The following UBE2D3 variants were observed in gnomAD, a reference collection of about 807,000 sequenced individuals.
UBE2D3 encodes the protein ubiquitin-conjugating enzyme E2 D3.
A neutral mutation model predicts 22.8 loss-of-function variants in UBE2D3; 2 were observed. The observed-to-expected ratio is 0.09, with a 90% CI of 0.04 to 0.28. The LOEUF (loss-of-function observed/expected upper bound fraction) is 0.28, where lower values mean the gene tolerates loss of function less well. Ranked by LOEUF, UBE2D3 falls within the 10% of genes least tolerant of loss-of-function variation. The pLI, the probability that UBE2D3 is intolerant of heterozygous loss-of-function variation, is 1.00. For synonymous variants in UBE2D3, 56 were observed against 60.4 expected (o/e 0.93, Z 0.34); for missense variants, 27 against 182.5 (o/e 0.15, Z 4.91).
chr4:102,824,621 A>G (rs2110329970), intron 2 of UBE2D3, among the ~76,000 whole-genome samples: 1 of 152,350 alleles, frequency 6.6e-6, no homozygotes, highest in Non-Finnish European at 1.5e-5. Context: ...TTGTCTCTCT[A>G]AAGCTTTTAA....
upstream of UBE2D3, among the ~76,000 whole-genome samples, chr4:102,828,610 A>G (rs146783872): frequency 2.1e-3 from 314 of 151,994 alleles, no homozygotes; most frequent in African/African-American, 6.9e-3. Flanking sequence ...AGATGTGGGA[A>G]CAAGCTTAAA....
chr4:102,810,857 A>T (rs977743112), intron 2 of UBE2D3: 2 of 144,068 alleles, frequency 1.4e-5, no homozygotes, highest in Non-Finnish European at 3.0e-5. Flanking sequence ...ATCACAAGTT[A>T]AAAAAAAAAG....
At chr4:102,822,331 G>A (rs989458712) in intron 2 of UBE2D3, among the ~76,000 whole-genome samples, 34 of 152,072 alleles carry the variant, frequency 2.2e-4, no homozygotes, top group African/African-American at 8.2e-4. Flanking sequence ...AAGCTTTGAG[G>A]ACCATATATG....
intron 1 of UBE2D3, among the ~76,000 whole-genome samples, chr4:102,845,905 CT>C (rs2110361863): frequency 6.6e-6 from 1 of 152,256 alleles, no homozygotes; most frequent in Non-Finnish European, 1.5e-5. Context: ...ATTCTCTTGC[CT>C]CAGTCTCCTG....
chr4:102,813,618 T>A (rs1381029777), intron 2 of UBE2D3, among the ~76,000 whole-genome samples: 1 of 152,130 alleles, frequency 6.6e-6, no homozygotes, highest in East Asian at 1.9e-4. Context: ...ATACAAAGTA[T>A]CATTAATAAA....
intron 7 of UBE2D3, among the ~76,000 whole-genome samples, chr4:102,798,279 A>AATAT (rs10526258): frequency 0.018 from 1,959 of 111,874 alleles, 225 homozygotes; most frequent in African/African-American, 0.063. Flanking sequence ...TTAAGAAATG[A>AATAT]ATATATATAT....
At chr4:102,860,387 G>A (rs1732831187) in intron 1 of UBE2D3, among the ~76,000 whole-genome samples, 1 of 147,816 alleles carries the variant, frequency 6.8e-6, no homozygotes, top group Non-Finnish European at 1.5e-5. Context: ...TTATTCCTTT[G>A]GTTGTCATGT....
Position 102,797,478 on chromosome 4 carries a change from A to C in UBE2D3, c.399-18T>G. ...TGTTGTACCTGTAAATAAAGATGTT[A>C]TTTTTAAAAGTTAAAATAAAGAATT... On this transcript the variant is annotated intron_variant, in intron 7 of 7. Transcript: ENST00000453744. 6.3e-7 allele frequency: 1 copy of C among 1,590,230 alleles called. No individual in the cohort carries two copies. Among genetic ancestry groups the C allele is most frequent in the East Asian group, 2.2e-5 (1 of 44,636 alleles).
chr4:102,866,657 G>T (rs1363902818), intron 1 of UBE2D3, among the ~76,000 whole-genome samples: 3 of 152,168 alleles, frequency 2.0e-5, no homozygotes, highest in African/African-American at 7.2e-5. Flanking sequence ...ACAGTCCAGA[G>T]AATGTAAAGT....
At chr4:102,848,694 C>T (rs1056082864) in intron 1 of UBE2D3, among the ~76,000 whole-genome samples, 2 of 151,950 alleles carry the variant, frequency 1.3e-5, no homozygotes, top group East Asian at 1.9e-4. Context: ...TAGTGCACGC[C>T]TATAGTCCCA....
Position 102,809,723 on chromosome 4 carries a change from T to C in UBE2D3, c.89-20A>G, listed in dbSNP as rs976638998. On this transcript the variant is annotated intron_variant, in intron 3 of 7. Transcript: ENST00000453744. Reference sequence around the variant, plus strand: ...GAAACACTAGAAAAAGAAAAAAAACTCTGGTTATCTAAAAATGCACAAGCT... The same window carrying C: ...GAAACACTAGAAAAAGAAAAAAAACCCTGGTTATCTAAAAATGCACAAGCT... 1.2e-6 allele frequency: 2 copies of C among 1,612,342 alleles called. No individual in the cohort carries two copies. Among genetic ancestry groups the C allele is most frequent in the Non-Finnish European group, 1.7e-6 (2 of 1,179,648 alleles).
At chr4:102,868,854 G>T (rs1273298796) in exon 1 of UBE2D3, 5 of 1,534,618 alleles carry the variant, frequency 3.3e-6, no homozygotes, top group Non-Finnish European at 4.5e-6. Flanking sequence ...TCCGAGGAGG[G>T]CCTCGCTACC....
chr4:102,862,042 T>C (rs955022090), intron 1 of UBE2D3, among the ~76,000 whole-genome samples: 2 of 151,986 alleles, frequency 1.3e-5, no homozygotes, highest in African/African-American at 2.4e-5. Flanking sequence ...CTTGGCTATA[T>C]AGATAATTCT....
chr4:102,819,616 T>TC (rs1729273919), intron 2 of UBE2D3: 2 of 985,104 alleles, frequency 2.0e-6, no homozygotes, highest in South Asian at 4.7e-5. Flanking sequence ...CTAGGTTTCA[T>TC]CCCCCCAAGG....
upstream of UBE2D3, among the ~76,000 whole-genome samples, chr4:102,829,902 AGAGT>A (rs973166325): frequency 2.6e-5 from 4 of 152,188 alleles, no homozygotes; most frequent in East Asian, 1.9e-4. Flanking sequence ...TCACTGCGAC[AGAGT>A]GAGACCCTGT....
At chr4:102,827,329 G>A in intron 1 of UBE2D3, 98 bp downstream of exon 1, 1 of 975,088 alleles carries the variant, frequency 1.0e-6, no homozygotes, top group Non-Finnish European at 1.2e-6. Flanking sequence ...CAATAGGCTG[G>A]CCGCTCAAGC....
At chr4:102,811,130 T>G (rs78478854) in intron 2 of UBE2D3, 16,430 of 152,212 alleles carry the variant, frequency 0.11, 932 homozygotes, top group East Asian at 0.13. Context: ...CAGGGATCGC[T>G]TGAGCCCAGG....
Position 102,801,494 on chromosome 4 carries a change from A to G in UBE2D3, c.264T>C (p.Ile88=). ...AAGCAGGCGACCACTGTGATCTTAG[A>G]ATATCGAGACAAATGCTGCCATTAC... ...INSNGSICLD[I]LRSQWSPALT... The change falls in exon 6 of 8, where the codon ATT becomes ATC. Residue 88 remains isoleucine (I), a synonymous_variant. Transcript: ENST00000453744. The G allele has an allele frequency of 1.2e-6, 2 of 1,609,958 alleles. No homozygotes were observed. The highest frequency in any genetic ancestry group is 1.7e-6 in the Non-Finnish European group (2 of 1,178,586).
intron 2 of UBE2D3, among the ~76,000 whole-genome samples, chr4:102,819,277 C>T (rs1444556819): frequency 1.3e-5 from 2 of 151,470 alleles, no homozygotes; most frequent in African/African-American, 2.4e-5. Flanking sequence ...TTGCAGTAAG[C>T]CGCAGTTGCG....
Sources: allele counts gnomAD v4.1 joint callset (sites outside exome capture counted in the v4.1 genomes callset), GRCh38; gene constraint gnomAD v4.1.1; transcripts MANE v1.5; gene names NCBI Gene and HGNC (gene_info 2026-07-23, HGNC 2026-07-21).